DUS1L: variants seen among roughly 807,000 people sequenced by gnomAD.
DUS1L encodes the protein tRNA-dihydrouridine(16/17) synthase [NAD(P)(+)]-like.
In DUS1L, 56 loss-of-function variants were observed where a neutral mutation model predicts 61.2. The ratio of observed to expected loss-of-function variants is 0.92; its 90% CI spans 0.74 to 1.14. DUS1L has a LOEUF of 1.14. Among genes scored for constraint, DUS1L ranks in the 50% most tolerant of loss-of-function variants. The pLI is 0.00. For missense variants in DUS1L, 630 were observed against 632.4 expected (o/e 1.00, Z 0.04); for synonymous variants, 278 against 259.5 (o/e 1.07, Z -0.69).
rs566382871 is a variant in DUS1L, at chr17:82,065,780, G to T, written c.-178C>A. On this transcript the variant is annotated 5_prime_UTR_variant, in exon 1 of 14. Transcript: ENST00000306796. ...CCGGGGCCGCCGCCGGGCCGCAGCCGGGCCCAAGGCTCCGCGCCGCCACCG... is the reference window on the plus strand; with the variant it reads ...CCGGGGCCGCCGCCGGGCCGCAGCCTGGCCCAAGGCTCCGCGCCGCCACCG... 3 of 149,072 alleles carry T rather than the reference G, an allele frequency of 2.0e-5. No individual in the cohort carries two copies. The highest frequency in any genetic ancestry group is 2.0e-4 in the East Asian group (1 of 5,126). 9.2% of individuals were successfully genotyped at this position (149,072 alleles called of 1,614,324 possible).
chr17:82,061,487 G>C, intron 7 of DUS1L, 131 bp downstream of exon 7: 1 of 1,432,660 alleles, frequency 7.0e-7, no homozygotes, highest in Non-Finnish European at 9.5e-7. Flanking sequence ...CATCAGAGCA[G>C]ACTGGGATTG....
Position 82,058,058 on chromosome 17 carries a change from T to G in DUS1L, c.*57A>C. On this transcript the variant is annotated 3_prime_UTR_variant, in exon 14 of 14. Transcript: ENST00000306796. ...GATTCCCTGAGTAAAAGGCATTTTC[T>G]TAAGTAGGACGTGTCCAGGCTCCAG... is the stretch of plus-strand genomic sequence containing the variant. 1 of 1,463,806 alleles carries G rather than the reference T, an allele frequency of 6.8e-7. No individual in the cohort carries two copies. The highest frequency in any genetic ancestry group is 9.0e-7 in the Non-Finnish European group (1 of 1,106,160). 90.7% of individuals were successfully genotyped at this position (1,463,806 alleles called of 1,614,324 possible).
intron 3 of DUS1L, 101 bp downstream of exon 3, chr17:82,064,025 G>T: frequency 9.9e-7 from 1 of 1,014,246 alleles, no homozygotes. Context: ...TGTCACGACA[G>T]AGGCAGGGCC....
rs749390254 is a variant in DUS1L, at chr17:82,059,930, A to C, written c.1168+18T>G. The C allele has an allele frequency of 6.2e-7, 1 of 1,613,792 alleles. No homozygotes were observed. On this transcript the variant is annotated intron_variant, in intron 11 of 13. Coordinates refer to ENST00000306796, the MANE Select transcript of DUS1L (RefSeq NM_022156.5). ...ATGAAGAGGCTCTCTCGGGCCCATC[A>C]GCGGAAGCAGCACTTACGCTTCAGA...
At position 82,060,707 on chromosome 17, in the gene DUS1L, C is replaced by G; in HGVS notation, c.1016G>C (p.Arg339Pro). The change falls in exon 10 of 14, where the codon CGG (arginine) becomes CCG (proline). Residue 339 changes from arginine to proline, a missense_variant. Transcript: ENST00000306796. ...GGGCTGGCTGGGCTCTCACCCCGGC[C>G]GGATGTAGGGCTGGCAGATCCAGTG... is the stretch of plus-strand genomic sequence containing the variant. Reference protein sequence around the residue: ...PFHWICQPYIRPGPREGSKEK... With the variant: ...PFHWICQPYIPPGPREGSKEK... 1 of 1,612,698 alleles carries G rather than the reference C, an allele frequency of 6.2e-7. No homozygotes were observed. The highest frequency in any genetic ancestry group is 8.5e-7 in the Non-Finnish European group (1 of 1,179,824).
chr17:82,064,987 C>T lies in DUS1L; in HGVS notation c.73G>A (p.Val25Met), dbSNP rs2033700243. The change falls in exon 2 of 14, where the codon GTG (valine) becomes ATG (methionine). Residue 25 changes from valine (V) to methionine (M), a missense_variant. Physicochemically the swap from Val to Met is conservative, Grantham distance 21. Transcript: ENST00000306796. ...CTCCAGGCCAGCTCGCTCTGGTCCA[C>T]CATGGGGGCCACGACGTGGCGGGCC... Reference protein sequence around the residue: ...RGARHVVAPMVDQSELAWRLL... With the variant: ...RGARHVVAPMMDQSELAWRLL... 1.2e-6 allele frequency: 2 copies of T among 1,611,726 alleles called. No individual in the cohort carries two copies. Among genetic ancestry groups the T allele is most frequent in the Non-Finnish European group, 1.7e-6 (2 of 1,179,268 alleles).
In DUS1L at chr17:82,061,712, C is replaced by T. The variant is rs772951092; in HGVS notation, c.603G>A (p.Val201=). 20 of 1,612,848 alleles carry T rather than the reference C, an allele frequency of 1.2e-5. No homozygotes were observed. In the South Asian group the frequency reaches 2.1e-4, roughly 17 times the overall value. ...TCCCGTTAGCAAACACAGGGATGGC[C>T]ACAGCCTTCCTGTTGGCAGAGAAAT... ...WEHIKAVRKA[V]AIPVFANGNI... is the part of the protein sequence containing the mutation. The change falls in exon 7 of 14, where the codon GTG becomes GTA. Residue 201 remains valine, a synonymous_variant. Coordinates refer to ENST00000306796, the MANE Select transcript of DUS1L (RefSeq NM_022156.5).
At chr17:82,061,880 G>C (rs762741009) in intron 6 of DUS1L, 21 bp downstream of exon 6, 72 of 1,598,520 alleles carry the variant, frequency 4.5e-5, no homozygotes, top group Non-Finnish European at 6.2e-5. Context: ...ACTGAGGGCT[G>C]TGTCACCCAC....
chr17:82,064,783 G>A, intron 2 of DUS1L, 40 bp downstream of exon 2: 14 of 1,571,582 alleles, frequency 8.9e-6, no homozygotes, highest in Non-Finnish European at 1.2e-5. Context: ...CCAGGACCGG[G>A]AACCCAACCG....
chr17:82,064,673 C>T (rs756396044), intron 2 of DUS1L, 150 bp downstream of exon 2: 83 of 807,768 alleles, frequency 1.0e-4, no homozygotes, highest in Non-Finnish European at 1.6e-4. Flanking sequence ...ACTCTACATG[C>T]CTGGTGCCAC....
chr17:82,060,233 C>T (rs1244936843), intron 10 of DUS1L, 140 bp from the exon 11 acceptor site: 24 of 1,164,998 alleles, frequency 2.1e-5, no homozygotes, highest in Middle Eastern at 2.9e-4. Context: ...TCCTTTCCCT[C>T]GGGCAGCCCA....
intron 3 of DUS1L, among the ~76,000 whole-genome samples, chr17:82,063,849 G>C (rs2033632326): frequency 6.6e-6 from 1 of 152,210 alleles, no homozygotes; most frequent in South Asian, 2.1e-4. Flanking sequence ...ACACACAGCA[G>C]TGCAAGGGGG....
At position 82,065,779 on chromosome 17, in the gene DUS1L, C is replaced by T. The variant is rs1221046501; in HGVS notation, c.-177G>A. The T allele has an allele frequency of 1.3e-5, 2 of 148,560 alleles. No homozygotes were observed. The highest frequency in any genetic ancestry group is 1.5e-5 in the Non-Finnish European group (1 of 66,860). 9.2% of individuals were successfully genotyped at this position (148,560 alleles called of 1,614,324 possible). Reference sequence around the variant, plus strand: ...GCCGGGGCCGCCGCCGGGCCGCAGCCGGGCCCAAGGCTCCGCGCCGCCACC... The same window carrying T: ...GCCGGGGCCGCCGCCGGGCCGCAGCTGGGCCCAAGGCTCCGCGCCGCCACC... On this transcript the variant is annotated 5_prime_UTR_variant, in exon 1 of 14. Coordinates refer to ENST00000306796, the MANE Select transcript of DUS1L (RefSeq NM_022156.5).
intron 12 of DUS1L, 146 bp from the exon 13 acceptor site, chr17:82,058,562 C>T (rs749500949): frequency 3.4e-6 from 5 of 1,449,348 alleles, no homozygotes; most frequent in Admixed American, 2.7e-5. Context: ...AGCCAGATGC[C>T]TCTCCCTCAC....
At chr17:82,063,983 C>T (rs963933652) in intron 3 of DUS1L, 143 bp downstream of exon 3, 4 of 710,044 alleles carry the variant, frequency 5.6e-6, no homozygotes, top group Non-Finnish European at 9.4e-6. Flanking sequence ...AGAGGCGGAG[C>T]ACAGAGGACA....
intron 4 of DUS1L, 54 bp from the exon 5 acceptor site, chr17:82,063,027 G>GCC: frequency 6.7e-7 from 1 of 1,502,646 alleles, no homozygotes; most frequent in Non-Finnish European, 9.2e-7. Context: ...CACTTTAGCG[G>GCC]CCAAGCCCCA....
chr17:82,059,082 G>A (rs1459982328), intron 11 of DUS1L: 3 of 543,710 alleles, frequency 5.5e-6, no homozygotes, highest in South Asian at 2.1e-5. Context: ...CGCAGGACGA[G>A]CAGCCTTATC....
chr17:82,061,911 T>C lies in DUS1L; in HGVS notation c.583A>G (p.Lys195Glu). Residue 195 changes from lysine (K) to glutamate (E), a missense_variant, in exon 6 of 14, where the codon AAG becomes GAG. Transcript: ENST00000306796. ...LSGAASWEHI[K>E]AVRKAVAIPV... ...CCCACACCCACTCACCGCACAGCCT[T>C]GATATGCTCCCAGGACGCTGCACCC... 6.2e-7 allele frequency: 1 copy of C among 1,610,174 alleles called. No homozygotes were observed. The highest frequency in any genetic ancestry group is 1.1e-5 in the South Asian group (1 of 90,694).
In DUS1L at chr17:82,057,552, C is replaced by G; in HGVS notation, c.*563G>C. 1 of 318,588 alleles carries G rather than the reference C, an allele frequency of 3.1e-6. No individual in the cohort carries two copies. Among genetic ancestry groups the G allele is most frequent in the Non-Finnish European group, 6.2e-6 (1 of 162,110 alleles). The allele number at this position is 318,588 out of a possible 1,614,324, so 19.7% of individuals were successfully genotyped here. On this transcript the variant is annotated 3_prime_UTR_variant, in exon 14 of 14. Coordinates refer to ENST00000306796, the MANE Select transcript of DUS1L (RefSeq NM_022156.5). Reference sequence around the variant, plus strand: ...GTTCCTGAGGGCTGTCTCCCTGGGACTAGGCTTGGAGGCAGGGCCTGGTGA... The same window carrying G: ...GTTCCTGAGGGCTGTCTCCCTGGGAGTAGGCTTGGAGGCAGGGCCTGGTGA...
Sources: gnomAD v4.1 joint callset for allele counts (sites outside exome capture counted in the v4.1 genomes callset) on GRCh38, gnomAD v4.1.1 for gene constraint, MANE v1.5 for transcripts, NCBI Gene and HGNC (gene_info 2026-07-23, HGNC 2026-07-21) for gene names.